Variants in GRIN2B observed in about 807,000 individuals in gnomAD.
GRIN2B encodes the protein glutamate ionotropic receptor NMDA type subunit 2B, also known as glutamate receptor ionotropic, NMDA 2B.
Under a neutral mutation model 114.5 loss-of-function variants are expected in GRIN2B, and 5 were observed. The observed-to-expected ratio is 0.04, with a 90% confidence interval of 0.02 to 0.09. The LOEUF (loss-of-function observed/expected upper bound fraction) is 0.09, where lower values mean the gene tolerates loss of function less well. Ranked by LOEUF, GRIN2B falls within the 10% of genes least tolerant of loss-of-function variation. The pLI is 1.00. For missense variants in GRIN2B, 1,108 were observed against 1,943.5 expected, an observed-to-expected ratio of 0.57 and a Z score of 8.08; for synonymous variants, 787 against 745.1, an observed-to-expected ratio of 1.06 and a Z score of -0.92.
chr12:13,896,319 G>A (rs1221912094), intron 2 of GRIN2B, among the ~76,000 whole-genome samples: 1 of 152,108 alleles, frequency 6.6e-6, no homozygotes, highest in African/African-American at 2.4e-5. Flanking sequence ...ACAAGTCCAC[G>A]GAGGATTGTA....
chr12:13,697,992 T>C (rs741359), intron 4 of GRIN2B, among the ~76,000 whole-genome samples: 31,826 of 152,150 alleles, frequency 0.21, 3,739 homozygotes, highest in African/African-American at 0.33. Flanking sequence ...CTCTTCTCCA[T>C]TGGGTAGCAT....
At position 13,813,186 on chromosome 12, in the gene GRIN2B, C is replaced by T. The variant is rs148509898; in HGVS notation, c.411+52612G>A. 7.8e-3 allele frequency among the ~76,000 whole-genome samples: 1,181 copies of T among 152,090 alleles called. 24 individuals are homozygous for T. The highest frequency in any genetic ancestry group is 0.028 in the African/African-American group (1,142 of 41,500). On this transcript the variant is annotated intron_variant, in intron 3 of 13. Coordinates refer to ENST00000609686, the MANE Select transcript of GRIN2B (RefSeq NM_000834.5). ...AACTCCTGATGTGATCCACCCATCT[C>T]GGCCTCCCAAAGTGCTGGGATTACA...
chr12:13,939,955 G>A (rs953856011), intron 2 of GRIN2B, among the ~76,000 whole-genome samples: 4 of 152,054 alleles, frequency 2.6e-5, no homozygotes, highest in Non-Finnish European at 5.9e-5. Flanking sequence ...CATTAGGTAC[G>A]GCATCAAGGC....
At chr12:13,766,995 G>C (rs1236403702) in intron 3 of GRIN2B, among the ~76,000 whole-genome samples, 1 of 152,162 alleles carries the variant, frequency 6.6e-6, no homozygotes, top group African/African-American at 2.4e-5. Flanking sequence ...GGTGGCTCAC[G>C]CCTGTAATCC....
chr12:13,652,555 G>T (rs1565489473), intron 5 of GRIN2B, among the ~76,000 whole-genome samples: 1 of 151,956 alleles, frequency 6.6e-6, no homozygotes, highest in Non-Finnish European at 1.5e-5. Context: ...GGTGAGGAAG[G>T]TATGGTAGAT....
chr12:13,699,291 G>T (rs1359229945), intron 4 of GRIN2B, among the ~76,000 whole-genome samples: 1 of 152,094 alleles, frequency 6.6e-6, no homozygotes, highest in Non-Finnish European at 1.5e-5. Context: ...TACAAAGTAG[G>T]ACATATACAC....
chr12:13,757,831 A>T (rs942877932), intron 3 of GRIN2B, among the ~76,000 whole-genome samples: 3 of 149,324 alleles, frequency 2.0e-5, no homozygotes, highest in East Asian at 1.9e-4. Context: ...TAATAAGAAT[A>T]AAAAAAAAGA....
intron 5 of GRIN2B, among the ~76,000 whole-genome samples, chr12:13,663,478 A>C (rs566956668): frequency 6.6e-6 from 1 of 152,320 alleles, no homozygotes; most frequent in African/African-American, 2.4e-5. Context: ...TTTTGGTTGT[A>C]ATTTAATGGT....
intron 3 of GRIN2B, among the ~76,000 whole-genome samples, chr12:13,798,436 C>T (rs763520050): frequency 6.6e-6 from 1 of 152,162 alleles, no homozygotes; most frequent in Non-Finnish European, 1.5e-5. Flanking sequence ...ACCATCTAAT[C>T]AGTTTCTGCT....
intron 3 of GRIN2B, among the ~76,000 whole-genome samples, chr12:13,825,127 A>G (rs1865009206): frequency 6.6e-6 from 1 of 151,934 alleles, no homozygotes; most frequent in Non-Finnish European, 1.5e-5. Flanking sequence ...TTGTTGTTTT[A>G]TTTTAATTCA....
At position 13,823,210 on chromosome 12, in the gene GRIN2B, C is replaced by T. The variant is rs546104859; in HGVS notation, c.411+42588G>A. Among the ~76,000 whole-genome samples, 73 of 151,958 alleles carry T rather than the reference C, an allele frequency of 4.8e-4. 1 individual carries two copies. Among genetic ancestry groups the T allele is most frequent in the African/African-American group, 1.6e-3 (66 of 41,482 alleles). On this transcript the variant is annotated intron_variant, in intron 3 of 13. Transcript: ENST00000609686. ...ATTTCTACCCCCACCCTGAAAAAAC[C>T]CCACTGGGCTTTTTACTAGGATGGA...
At chr12:13,818,554 G>A (rs1377476711) in intron 3 of GRIN2B, among the ~76,000 whole-genome samples, 1 of 152,168 alleles carries the variant, frequency 6.6e-6, no homozygotes, top group Admixed American at 6.5e-5. Context: ...AGAAGCCAAA[G>A]CTCCAAGTCA....
rs1044845714 is a variant in GRIN2B at position 13,558,719 on chromosome 12, G to A, written c.*4064C>T. ...TTTTCCCCTCAATCACAACATGGCTGTGGCCAGTGCAGGGAAATACATATG... is the reference window on the plus strand; with the variant it reads ...TTTTCCCCTCAATCACAACATGGCTATGGCCAGTGCAGGGAAATACATATG... On this transcript the variant is annotated 3_prime_UTR_variant, in exon 14 of 14. Transcript: ENST00000609686. The A allele has an allele frequency of 6.6e-6, 1 of 152,226 alleles. No individual in the cohort carries two copies. Among genetic ancestry groups the A allele is most frequent in the African/African-American group, 2.4e-5 (1 of 41,450 alleles). 9.4% of individuals were successfully genotyped at this position (152,226 alleles called of 1,614,324 possible). A position where few individuals can be genotyped will look rare whatever the true frequency, so the allele number is the denominator to read the frequency against.
At chr12:13,825,339 T>C (rs1343762558) in intron 3 of GRIN2B, among the ~76,000 whole-genome samples, 1 of 151,670 alleles carries the variant, frequency 6.6e-6, no homozygotes, top group African/African-American at 2.4e-5. Flanking sequence ...ACTTATTTGA[T>C]AGAATATTTT....
chr12:13,564,778 ATGTGG>A lies in GRIN2B; in HGVS notation c.2599-144_2599-140del. 1.2e-6 allele frequency: 1 copy of A among 842,626 alleles called. No individual in the cohort carries two copies. The highest frequency in any genetic ancestry group is 2.0e-6 in the Non-Finnish European group (1 of 504,262). 52.2% of individuals were successfully genotyped at this position (842,626 alleles called of 1,614,324 possible). A position where few individuals can be genotyped will look rare whatever the true frequency, so the allele number is the denominator to read the frequency against. Reference sequence around the variant, plus strand: ...AGCGAATAGTCTAATATACTATTAGATGTGGCTAGAAGTTTGCCTAATTTATACCC... The same window carrying A: ...AGCGAATAGTCTAATATACTATTAGACTAGAAGTTTGCCTAATTTATACCC... On this transcript the variant is annotated intron_variant, in intron 13 of 13. Transcript: ENST00000609686. The surrounding 1 kb of genome is among the most constrained non-coding windows in gnomAD (Gnocchi z 4.8).
chr12:13,703,281 T>C (rs1460082429), intron 4 of GRIN2B, among the ~76,000 whole-genome samples: 1 of 152,182 alleles, frequency 6.6e-6, no homozygotes, highest in East Asian at 1.9e-4. Context: ...TATTTGGGCA[T>C]AATGAGAGAC....
At chr12:13,877,457 C>T (rs1403606235) in intron 2 of GRIN2B, among the ~76,000 whole-genome samples, 1 of 152,214 alleles carries the variant, frequency 6.6e-6, no homozygotes, top group Non-Finnish European at 1.5e-5. Context: ...GAATTGTGAA[C>T]TTGTTAAAAT....
intron 13 of GRIN2B, 55 bp downstream of exon 13, chr12:13,566,963 TTGCACAG>T: frequency 1.8e-6 from 2 of 1,137,918 alleles, no homozygotes; most frequent in Non-Finnish European, 2.7e-6. Context: ...TCTCTCTGCT[TTGCACAG>T]TGCTAGGCTA....
At chr12:13,897,127 C>T (rs1740270551) in intron 2 of GRIN2B, among the ~76,000 whole-genome samples, 1 of 152,222 alleles carries the variant, frequency 6.6e-6, no homozygotes, top group Admixed American at 6.5e-5. Flanking sequence ...CCCTCCTACT[C>T]GCAACGCATC....
Sources: allele counts gnomAD v4.1 joint callset (sites outside exome capture counted in the v4.1 genomes callset), GRCh38; gene constraint gnomAD v4.1.1; non-coding constraint Gnocchi (gnomAD v3.1); transcripts MANE v1.5; gene names NCBI Gene and HGNC (gene_info 2026-07-23, HGNC 2026-07-21).